PLEKHA7: variants seen among roughly 807,000 people sequenced by gnomAD.
PLEKHA7 encodes the protein pleckstrin homology domain containing A7.
In PLEKHA7, 104 loss-of-function variants were observed where a neutral mutation model predicts 170.0. That is an observed-to-expected ratio of 0.61 (90% CI 0.52 to 0.72). PLEKHA7 has a LOEUF of 0.72. PLEKHA7 is among the 30% of genes least tolerant of loss of function. The pLI is 0.00. For missense variants in PLEKHA7, 1,615 were observed against 1,671.7 expected (o/e 0.97, Z 0.59); for synonymous variants, 648 against 660.8 (o/e 0.98, Z 0.30).
At chr11:16,779,154 T>G in intron 26 of PLEKHA7, 134 bp from the exon 27 acceptor site, 2 of 680,490 alleles carry the variant, frequency 2.9e-6, no homozygotes, top group Non-Finnish European at 5.4e-6. Context: ...CGGCCGCTGC[T>G]GGGGGACCCT....
intron 3 of PLEKHA7, among the ~76,000 whole-genome samples, chr11:16,914,898 T>A (rs1382449546): frequency 1.3e-5 from 2 of 152,206 alleles, no homozygotes; most frequent in African/African-American, 2.4e-5. Flanking sequence ...AAGAAAGGTT[T>A]TTCTCCTCAG....
chr11:16,791,162 A>T lies in PLEKHA7; in HGVS notation c.2783T>A (p.Leu928His), dbSNP rs756226389. ...EAPPRPPLPE[L>H]YSPEDQPPAV... ...CGGGGGCTGGTCCTCTGGGCTGTAG[A>T]GTTCGGGGAGTGGGGGCCTGGGAGG... is the stretch of plus-strand genomic sequence containing the variant. Residue 928 changes from leucine to histidine, a missense_variant, in exon 20 of 27, where the codon CTC (leucine) becomes CAC (histidine). Physicochemically the swap from Leu to His is moderately conservative, Grantham distance 99. Coordinates refer to ENST00000531066, the MANE Select transcript of PLEKHA7 (RefSeq NM_001329630.2). The surrounding 1 kb of genome is among the most constrained non-coding windows in gnomAD (Gnocchi z 4.5). 6.2e-7 allele frequency: 1 copy of T among 1,608,194 alleles called. No homozygotes were observed. Among genetic ancestry groups the T allele is most frequent in the Non-Finnish European group, 8.5e-7 (1 of 1,176,298 alleles).
intron 3 of PLEKHA7, among the ~76,000 whole-genome samples, chr11:16,961,502 A>G (rs1316025854): frequency 6.6e-6 from 1 of 152,246 alleles, no homozygotes; most frequent in East Asian, 1.9e-4. Context: ...AGGCAACCGG[A>G]GAAGTGGCCC....
At chr11:16,932,930 A>G (rs1258081943) in intron 3 of PLEKHA7, among the ~76,000 whole-genome samples, 1 of 152,218 alleles carries the variant, frequency 6.6e-6, no homozygotes, top group Non-Finnish European at 1.5e-5. Flanking sequence ...GTAGGAAAAG[A>G]TGAGGTAGGG....
At chr11:16,918,715 T>C (rs1440952054) in intron 3 of PLEKHA7, among the ~76,000 whole-genome samples, 1 of 152,178 alleles carries the variant, frequency 6.6e-6, no homozygotes, top group Non-Finnish European at 1.5e-5. Flanking sequence ...AACCACACAT[T>C]GCTCACACCG....
At chr11:16,868,184 C>T (rs1190085853) in intron 4 of PLEKHA7, among the ~76,000 whole-genome samples, 1 of 152,112 alleles carries the variant, frequency 6.6e-6, no homozygotes, top group East Asian at 1.9e-4. Flanking sequence ...CCCATTGAAC[C>T]CTATGTTTCC....
chr11:16,961,833 T>C (rs1479715256), intron 3 of PLEKHA7, among the ~76,000 whole-genome samples: 1 of 152,238 alleles, frequency 6.6e-6, no homozygotes, highest in African/African-American at 2.4e-5. Flanking sequence ...CTTTCACTTC[T>C]CCGTGCTTCA....
chr11:17,012,672 C>T (rs1865387922), intron 3 of PLEKHA7, among the ~76,000 whole-genome samples: 1 of 152,222 alleles, frequency 6.6e-6, no homozygotes, highest in Admixed American at 6.5e-5. Flanking sequence ...TAGAACTTTT[C>T]TGTTTTTTGT....
At chr11:16,956,090 T>C (rs1861683410) in intron 3 of PLEKHA7, among the ~76,000 whole-genome samples, 1 of 152,242 alleles carries the variant, frequency 6.6e-6, no homozygotes, top group South Asian at 2.1e-4. Flanking sequence ...CTTTTTGTAC[T>C]TTCCACAGGG....
Position 16,789,453 on chromosome 11 carries a change from C to T in PLEKHA7, c.3157-157G>A, listed in dbSNP as rs1055167300. 1.9e-5 allele frequency: 13 copies of T among 694,738 alleles called. No individual in the cohort carries two copies. Among genetic ancestry groups the T allele is most frequent in the African/African-American group, 7.2e-5 (4 of 55,916 alleles). The allele number at this position is 694,738 out of a possible 1,614,324, so 43.0% of individuals were successfully genotyped here. A position where few individuals can be genotyped will look rare whatever the true frequency, so the allele number is the denominator to read the frequency against. ...GCCTTAGAGAACTATTTCCTCTAAGCAACACGATGCCCCCAACCCTCAGGA... is the reference window on the plus strand; with the variant it reads ...GCCTTAGAGAACTATTTCCTCTAAGTAACACGATGCCCCCAACCCTCAGGA... On this transcript the variant is annotated intron_variant, in intron 22 of 26. Transcript: ENST00000531066. This position sits in a 1 kb window ranked among gnomAD's most constrained non-coding sequence, Gnocchi z 4.6.
chr11:16,967,077 A>C (rs1862418635), intron 3 of PLEKHA7, among the ~76,000 whole-genome samples: 1 of 152,190 alleles, frequency 6.6e-6, no homozygotes, highest in South Asian at 2.1e-4. Flanking sequence ...GCACAAAATC[A>C]CTGATTCCAA....
At chr11:16,996,930 C>T (rs906496854) in intron 3 of PLEKHA7, among the ~76,000 whole-genome samples, 3 of 151,104 alleles carry the variant, frequency 2.0e-5, no homozygotes, top group Non-Finnish European at 4.4e-5. Flanking sequence ...AGCAAGACTC[C>T]GTCTCAAAAA....
intron 8 of PLEKHA7, among the ~76,000 whole-genome samples, chr11:16,845,395 T>C (rs144460545): frequency 1.2e-3 from 178 of 152,342 alleles, no homozygotes; most frequent in African/African-American, 4.1e-3. Context: ...TGAGACAAGG[T>C]CTTGCTCTGT....
intron 3 of PLEKHA7, among the ~76,000 whole-genome samples, chr11:17,005,867 A>C (rs1279068071): frequency 2.0e-5 from 3 of 152,208 alleles, no homozygotes; most frequent in Non-Finnish European, 4.4e-5. Flanking sequence ...TTGAAAATGC[A>C]ACCAGGAAGT....
chr11:16,915,595 G>A (rs1326832716), intron 3 of PLEKHA7, among the ~76,000 whole-genome samples: 1 of 144,886 alleles, frequency 6.9e-6, no homozygotes, highest in African/African-American at 2.6e-5. Flanking sequence ...TCCCACCTAT[G>A]AGTGAGAATA....
Position 16,789,565 on chromosome 11 carries a change from T to G in PLEKHA7, c.3156+210A>C, listed in dbSNP as rs1847687383. On this transcript the variant is annotated intron_variant, in intron 22 of 26. Coordinates refer to ENST00000531066, the MANE Select transcript of PLEKHA7 (RefSeq NM_001329630.2). The surrounding 1 kb of genome is among the most constrained non-coding windows in gnomAD (Gnocchi z 4.6). ...GCCAGAACCCAGGGTGCAGGCTTCT[T>G]GAGCTCCCTCCTGCCACCCTGACAG... 1.6e-6 allele frequency: 1 copy of G among 619,414 alleles called. No individual in the cohort carries two copies. Among genetic ancestry groups the G allele is most frequent in the African/African-American group, 1.8e-5 (1 of 54,176 alleles). 38.4% of individuals were successfully genotyped at this position (619,414 alleles called of 1,614,324 possible).
At chr11:16,934,432 G>A (rs1005416889) in intron 3 of PLEKHA7, among the ~76,000 whole-genome samples, 1 of 152,168 alleles carries the variant, frequency 6.6e-6, no homozygotes, top group Non-Finnish European at 1.5e-5. Flanking sequence ...AATTTTCAAA[G>A]TTCAGCTGAA....
At chr11:16,952,858 T>C (rs1473686194) in intron 3 of PLEKHA7, among the ~76,000 whole-genome samples, 1 of 152,260 alleles carries the variant, frequency 6.6e-6, no homozygotes, top group Non-Finnish European at 1.5e-5. Context: ...TTCTTGACTT[T>C]AAAAACACAA....
At chr11:16,881,823 G>T (rs751198803) in intron 3 of PLEKHA7, among the ~76,000 whole-genome samples, 58 of 152,294 alleles carry the variant, frequency 3.8e-4, no homozygotes, top group Non-Finnish European at 7.1e-4. Flanking sequence ...GGCAGGGAAA[G>T]GTTTGAGTGG....
Sources: gnomAD v4.1 joint callset for allele counts (sites outside exome capture counted in the v4.1 genomes callset) on GRCh38, gnomAD v4.1.1 for gene constraint, Gnocchi (gnomAD v3.1) non-coding constraint, MANE v1.5 for transcripts, NCBI Gene and HGNC (gene_info 2026-07-23, HGNC 2026-07-21) for gene names.